MECOM: variants seen among roughly 807,000 people sequenced by gnomAD.
The protein encoded by MECOM is MDS1 and EVI1 complex locus, also known as histone-lysine N-methyltransferase MECOM.
MECOM carries 13 observed loss-of-function variants against 116.3 expected under a neutral mutation model. The ratio of observed to expected loss-of-function variants is 0.11; its 90% CI spans 0.07 to 0.18. MECOM has a LOEUF of 0.18. Ranked by LOEUF, MECOM falls within the 10% of genes least tolerant of loss-of-function variation. The pLI is 1.00. For synonymous variants in MECOM, 528 were observed against 535.2 expected (o/e 0.99, Z 0.19); for missense variants, 1,299 against 1,509.0 (o/e 0.86, Z 2.31).
intron 3 of MECOM, among the ~76,000 whole-genome samples, chr3:169,140,652 A>G (rs1737823559): frequency 6.7e-6 from 1 of 149,426 alleles, no homozygotes; most frequent in South Asian, 2.1e-4. Flanking sequence ...CACTGACAAG[A>G]AAGAAAGCTG....
rs114304789 is a variant in MECOM, at chr3:169,308,204, G to A, written c.375+72983C>T. On this transcript the variant is annotated intron_variant, in intron 2 of 16. Transcript: ENST00000651503. ...GATAAACTCCAGGAGAGCAAGTGCT[G>A]GGCCTATGTATTTTACTATTGTGCT... Among the ~76,000 whole-genome samples the A allele has an allele frequency of 6.8e-3, 1,040 of 152,190 alleles. 15 individuals are homozygous for A. Among genetic ancestry groups the A allele is most frequent in the African/African-American group, 0.024 (984 of 41,508 alleles).
rs375153667 is a variant in MECOM at position 169,198,344 on chromosome 3, G to C, written c.376-54512C>G. Among the ~76,000 whole-genome samples, 60 of 151,920 alleles carry C rather than the reference G, an allele frequency of 3.9e-4. No homozygotes were observed. The East Asian group carries it at 0.01, about 26-fold the overall frequency. On this transcript the variant is annotated intron_variant, in intron 2 of 16. Transcript: ENST00000651503. ...TTCACATTGCTCTCCCCTTCCCTAG[G>C]GAAAAGAAAAAGTCAGGAATAAAAA...
At chr3:169,261,739 AGGAG>A (rs1355455911) in intron 2 of MECOM, among the ~76,000 whole-genome samples, 1,670 of 111,422 alleles carry the variant, frequency 0.015, 21 homozygotes, top group African/African-American at 0.066. Context: ...GAGAAGGAGA[AGGAG>A]AAAAGAAGAA....
chr3:169,492,567 TAC>T (rs1437776150), intron 1 of MECOM, among the ~76,000 whole-genome samples: 1 of 152,198 alleles, frequency 6.6e-6, no homozygotes, highest in Non-Finnish European at 1.5e-5. Flanking sequence ...TCAAGTTAAA[TAC>T]AGTTATTTAC....
intron 2 of MECOM, among the ~76,000 whole-genome samples, chr3:169,236,686 A>G (rs1234858495): frequency 2.0e-5 from 3 of 152,226 alleles, no homozygotes; most frequent in African/African-American, 4.8e-5. Context: ...ATGATAATCA[A>G]TGAATGAAAA....
intron 1 of MECOM, among the ~76,000 whole-genome samples, chr3:169,595,707 GTTAT>G (rs1767052312): frequency 6.6e-6 from 1 of 152,084 alleles, no homozygotes; most frequent in Non-Finnish European, 1.5e-5. Flanking sequence ...GTTAACTGTA[GTTAT>G]TTAATTTAAA....
chr3:169,164,284 C>A (rs1743245981), intron 2 of MECOM, among the ~76,000 whole-genome samples: 1 of 152,098 alleles, frequency 6.6e-6, no homozygotes, highest in Admixed American at 6.6e-5. Context: ...AGTTTCCCTG[C>A]ACAAGCTCTC....
At chr3:169,600,289 T>A (rs1010774890) in intron 1 of MECOM, among the ~76,000 whole-genome samples, 1 of 152,112 alleles carries the variant, frequency 6.6e-6, no homozygotes, top group Non-Finnish European at 1.5e-5. Flanking sequence ...ATAAATTTTT[T>A]AAACTGAGAT....
rs142949333 is a variant in MECOM, at chr3:169,272,386, T to G, written c.375+108801A>C. On this transcript the variant is annotated intron_variant, in intron 2 of 16. Transcript: ENST00000651503. ...GCTACAGAAAACCTTAGCAGTCACCTTAGCCCTCTCAGTGCACCACACAAC... is the reference window on the plus strand; with the variant it reads ...GCTACAGAAAACCTTAGCAGTCACCGTAGCCCTCTCAGTGCACCACACAAC... Among the ~76,000 whole-genome samples, 498 of 152,258 alleles carry G rather than the reference T, an allele frequency of 3.3e-3. 3 individuals carry two copies. The highest frequency in any genetic ancestry group is 0.011 in the African/African-American group (477 of 41,552).
At chr3:169,378,586 GTAA>G (rs1560198842) in intron 2 of MECOM, among the ~76,000 whole-genome samples, 4 of 25,302 alleles carry the variant, frequency 1.6e-4, no homozygotes, top group East Asian at 1.2e-3. Flanking sequence ...AAGAAAGAAA[GTAA>G]GTAAGTAAGT....
intron 1 of MECOM, among the ~76,000 whole-genome samples, chr3:169,648,695 G>T (rs186273221): frequency 6.6e-6 from 1 of 152,198 alleles, no homozygotes; most frequent in African/African-American, 2.4e-5. Context: ...AGAAGGCAGC[G>T]CTTTTTATTC....
intron 1 of MECOM, among the ~76,000 whole-genome samples, chr3:169,633,470 T>C (rs1288668930): frequency 1.3e-5 from 2 of 152,180 alleles, no homozygotes; most frequent in Non-Finnish European, 2.9e-5. Context: ...TACTCACTAG[T>C]CTCACTAAAA....
chr3:169,576,344 C>A (rs1325921256), intron 1 of MECOM, among the ~76,000 whole-genome samples: 2 of 151,970 alleles, frequency 1.3e-5, no homozygotes, highest in African/African-American at 2.4e-5. Context: ...CATCAAAAAC[C>A]ACAATAAAAG....
intron 1 of MECOM, among the ~76,000 whole-genome samples, chr3:169,642,667 T>C (rs16854266): frequency 0.3 from 44,762 of 151,526 alleles, 7,680 homozygotes; most frequent in East Asian, 0.45. Flanking sequence ...ATCTCGGAGA[T>C]TGAGCTTATC....
In MECOM at chr3:169,223,129, TA is replaced by T. The variant is rs201592303; in HGVS notation, c.376-79298del. 6.1e-3 allele frequency among the ~76,000 whole-genome samples: 286 copies of T among 47,020 alleles called. 3 individuals are homozygous for T. The highest frequency in any genetic ancestry group is 0.054 in the East Asian group (69 of 1,288). The allele number at this position is 47,020 out of a possible 152,430, so 30.8% of individuals were successfully genotyped here. ...GGCAAATTTCATTTTCAAAGTCCTA[TA>T]TTTTTTTTTTTACTATATGTTAAGT... On this transcript the variant is annotated intron_variant, in intron 2 of 16. Coordinates refer to ENST00000651503, the MANE Select transcript of MECOM (RefSeq NM_004991.4).
chr3:169,378,505 GAAAGAAAGAAA>G lies in MECOM; in HGVS notation c.375+2671_375+2681del, dbSNP rs1731699273. 5.1e-4 allele frequency among the ~76,000 whole-genome samples: 12 copies of G among 23,404 alleles called. 2 individuals are homozygous for G. Among genetic ancestry groups the G allele is most frequent in the African/African-American group, 1.9e-3 (7 of 3,700 alleles). The allele number at this position is 23,404 out of a possible 152,430, so 15.4% of individuals were successfully genotyped here. A position where few individuals can be genotyped will look rare whatever the true frequency, so the allele number is the denominator to read the frequency against. On this transcript the variant is annotated intron_variant, in intron 2 of 16. Transcript: ENST00000651503. ...AGAGAGAGAGAAAGAAAGAAAGAAA[GAAAGAAAGAAA>G]AGAAAGAAAGAAAGAAAGAAAGAAA...
At chr3:169,483,850 T>A (rs1256192707) in intron 1 of MECOM, 1 of 1,611,310 alleles carries the variant, frequency 6.2e-7, no homozygotes, top group Non-Finnish European at 8.5e-7. Flanking sequence ...GTCACGGTGA[T>A]CTTGCTCTTG....
At chr3:169,634,560 C>T (rs1772487161) in intron 1 of MECOM, among the ~76,000 whole-genome samples, 1 of 152,178 alleles carries the variant, frequency 6.6e-6, no homozygotes, top group South Asian at 2.1e-4. Context: ...GGCCCCAGCT[C>T]CAGTCAACCT....
intron 3 of MECOM, among the ~76,000 whole-genome samples, chr3:169,142,243 G>T (rs764907009): frequency 2.0e-5 from 3 of 151,730 alleles, no homozygotes; most frequent in African/African-American, 7.3e-5. Context: ...ATCTTTTCAC[G>T]GATTCTACAA....
Sources: gnomAD v4.1 joint callset for allele counts (sites outside exome capture counted in the v4.1 genomes callset) on GRCh38, gnomAD v4.1.1 for gene constraint, MANE v1.5 for transcripts, NCBI Gene and HGNC (gene_info 2026-07-23, HGNC 2026-07-21) for gene names.